The following EVC2 variants were observed in gnomAD, a reference collection of about 807,000 sequenced individuals.
EVC2 encodes the protein EvC ciliary complex subunit 2.
In EVC2, 148 loss-of-function variants were observed where a neutral mutation model predicts 149.3. The observed-to-expected ratio is 0.99, with a 90% CI of 0.87 to 1.14. The LOEUF is 1.14. Among genes scored for constraint, EVC2 ranks in the 50% most tolerant of loss-of-function variants. The pLI, the probability that EVC2 is intolerant of heterozygous loss-of-function variation, is 0.00. For missense variants in EVC2, 1,854 were observed against 1,627.3 expected, an observed-to-expected ratio of 1.14 and a Z score of -2.40; for synonymous variants, 776 against 649.9, an observed-to-expected ratio of 1.19 and a Z score of -2.95.
Position 5,618,393 on chromosome 4 carries a change from G to T in EVC2, c.2706+85C>A. 2.0e-6 allele frequency: 3 copies of T among 1,500,820 alleles called. No individual in the cohort carries two copies. Among genetic ancestry groups the T allele is most frequent in the Non-Finnish European group, 1.8e-6 (2 of 1,083,546 alleles). The allele number at this position is 1,500,820 out of a possible 1,614,324, so 93.0% of individuals were successfully genotyped here. On this transcript the variant is annotated intron_variant, in intron 15 of 21. Coordinates refer to ENST00000344408, the MANE Select transcript of EVC2 (RefSeq NM_147127.5). The surrounding 1 kb of genome is among the most constrained non-coding windows in gnomAD (Gnocchi z 4.4). ...GGAGCATGAGGTGAGATGGGCTCAG[G>T]CTGGGGAAGAGGCCAGACCCTGTAG... is the stretch of plus-strand genomic sequence containing the variant.
intron 1 of EVC2, among the ~76,000 whole-genome samples, chr4:5,698,434 T>C (rs961901246): frequency 6.6e-6 from 1 of 152,164 alleles, no homozygotes; most frequent in Non-Finnish European, 1.5e-5. Context: ...TCTCTGAGCC[T>C]CAGATCCCTC....
chr4:5,568,914 C>T (rs1722478832), intron 19 of EVC2, among the ~76,000 whole-genome samples: 2 of 152,182 alleles, frequency 1.3e-5, no homozygotes, highest in Admixed American at 1.3e-4. Flanking sequence ...CAGCAAAAGC[C>T]CTGCAGCAGG....
intron 9 of EVC2, among the ~76,000 whole-genome samples, chr4:5,646,204 T>C (rs1299223418): frequency 6.6e-6 from 1 of 152,240 alleles, no homozygotes; most frequent in African/African-American, 2.4e-5. Flanking sequence ...GTGCTGGGAT[T>C]ACAGGCATAA....
chr4:5,630,370 G>T (rs1716444837), intron 11 of EVC2, among the ~76,000 whole-genome samples: 1 of 152,156 alleles, frequency 6.6e-6, no homozygotes, highest in Non-Finnish European at 1.5e-5. Context: ...ACGCAGGGAA[G>T]GCCGCCTGTG....
intron 16 of EVC2, among the ~76,000 whole-genome samples, chr4:5,596,848 A>C (rs1034141917): frequency 5.9e-5 from 9 of 152,198 alleles, no homozygotes; most frequent in African/African-American, 1.7e-4. Flanking sequence ...AGAGAGAAGA[A>C]TCAAATACAC....
chr4:5,660,763 G>C (rs1317493992), intron 9 of EVC2, among the ~76,000 whole-genome samples: 1 of 152,182 alleles, frequency 6.6e-6, no homozygotes, highest in Admixed American at 6.5e-5. Flanking sequence ...CCATTTGAGA[G>C]ATGAGAAAAC....
chr4:5,543,262 C>A, intron 21 of EVC2: 3 of 1,212,540 alleles, frequency 2.5e-6, no homozygotes, highest in Non-Finnish European at 2.2e-6. Flanking sequence ...CCATCCCTAC[C>A]CACATTGTAC....
At chr4:5,664,484 C>CA (rs1242954875) in intron 8 of EVC2, among the ~76,000 whole-genome samples, 2 of 152,214 alleles carry the variant, frequency 1.3e-5, no homozygotes, top group East Asian at 3.8e-4. Context: ...ATCAAAGCAG[C>CA]AGGGTGCGTT....
In EVC2 at chr4:5,622,971, C is replaced by T. The variant is rs201506848; in HGVS notation, c.2067G>A (p.Glu689=). ...GGAAGGCCTCGCCGACGGACGCCTG[C>T]TCCCTACGCTGCTCCCTGTGCTGGA... is the stretch of plus-strand genomic sequence containing the variant. ...LLQKHREQRR[E]QASVGEAFRT... is the part of the protein sequence containing the mutation. The change falls in exon 14 of 22, where the codon GAG becomes GAA. Residue 689 remains glutamate (E), a synonymous_variant. Coordinates refer to ENST00000344408, the MANE Select transcript of EVC2 (RefSeq NM_147127.5). This position sits in a 1 kb window ranked among gnomAD's most constrained non-coding sequence, Gnocchi z 5.8. The T allele has an allele frequency of 1.9e-6, 3 of 1,613,696 alleles. No individual in the cohort carries two copies. Among genetic ancestry groups the T allele is most frequent in the Non-Finnish European group, 2.5e-6 (3 of 1,179,664 alleles).
At position 5,645,595 on chromosome 4, in the gene EVC2, T is replaced by G. The variant is rs190230889; in HGVS notation, c.1146-4757A>C. On this transcript the variant is annotated intron_variant, in intron 9 of 21. Coordinates refer to ENST00000344408, the MANE Select transcript of EVC2 (RefSeq NM_147127.5). Reference sequence around the variant, plus strand: ...GTTACTGTAAAAGACATGATCTCACTCTTTTTTAACGGCTGCATAGTATTC... The same window carrying G: ...GTTACTGTAAAAGACATGATCTCACGCTTTTTTAACGGCTGCATAGTATTC... 8.5e-5 allele frequency among the ~76,000 whole-genome samples: 13 copies of G among 152,368 alleles called. No individual in the cohort carries two copies. The East Asian group carries it at 2.5e-3, about 29-fold the overall frequency.
intron 4 of EVC2, among the ~76,000 whole-genome samples, chr4:5,690,405 G>C (rs867699436): frequency 2.1e-5 from 3 of 141,604 alleles, no homozygotes; most frequent in Non-Finnish European, 3.1e-5. Context: ...GTGGGTTGTT[G>C]TTTTTTTTTT....
At chr4:5,557,870 T>G (rs1204896211), downstream of EVC2, among the ~76,000 whole-genome samples, 1 of 152,136 alleles carries the variant, frequency 6.6e-6, no homozygotes. Flanking sequence ...AGGATCTGTA[T>G]GCAGAAAGCT....
At chr4:5,548,352 G>A (rs1371211421) in intron 21 of EVC2, among the ~76,000 whole-genome samples, 5 of 150,034 alleles carry the variant, frequency 3.3e-5, no homozygotes, top group Non-Finnish European at 7.4e-5. Flanking sequence ...AGCTGCAGCA[G>A]CCACCTTGAA....
intron 21 of EVC2, among the ~76,000 whole-genome samples, chr4:5,544,431 C>G (rs1032228013): frequency 6.6e-6 from 1 of 152,160 alleles, no homozygotes; most frequent in Admixed American, 6.5e-5. Flanking sequence ...CACACATGCA[C>G]GCACACAAGA....
intron 6 of EVC2, among the ~76,000 whole-genome samples, chr4:5,684,488 A>C (rs1720558301): frequency 6.6e-6 from 1 of 152,160 alleles, no homozygotes; most frequent in African/African-American, 2.4e-5. Context: ...CTTTCTCCAG[A>C]GGCTGAAGAC....
At chr4:5,560,769 G>A (rs987845493), downstream of EVC2, among the ~76,000 whole-genome samples, 5 of 152,060 alleles carry the variant, frequency 3.3e-5, no homozygotes, top group African/African-American at 7.3e-5. The surrounding 1 kb of genome is among the most constrained non-coding windows in gnomAD (Gnocchi z 4.1). Flanking sequence ...TCTTTACAAC[G>A]TCCCTACTGT....
intron 4 of EVC2, among the ~76,000 whole-genome samples, chr4:5,690,265 C>T (rs1307586591): frequency 6.6e-6 from 1 of 152,182 alleles, no homozygotes; most frequent in Admixed American, 6.5e-5. Flanking sequence ...ATGAGGGTGG[C>T]ACAGGAAAGG....
intron 9 of EVC2, among the ~76,000 whole-genome samples, chr4:5,659,707 G>A (rs1322860291): frequency 2.0e-5 from 3 of 152,118 alleles, no homozygotes; most frequent in Admixed American, 2.0e-4. Flanking sequence ...TCAAGCATCA[G>A]GACTGGCAAA....
At chr4:5,598,663 G>T (rs1713683341) in intron 16 of EVC2, among the ~76,000 whole-genome samples, 1 of 152,158 alleles carries the variant, frequency 6.6e-6, no homozygotes, top group East Asian at 1.9e-4. Flanking sequence ...GCATGGGCAA[G>T]GACTTCATGT....
Sources: allele counts gnomAD v4.1 joint callset (sites outside exome capture counted in the v4.1 genomes callset), GRCh38; gene constraint gnomAD v4.1.1; non-coding constraint Gnocchi (gnomAD v3.1); transcripts MANE v1.5; gene names NCBI Gene and HGNC (gene_info 2026-07-23, HGNC 2026-07-21).